TENM1: variants seen among roughly 807,000 people sequenced by gnomAD.
The protein encoded by TENM1 is teneurin-1.
A neutral mutation model predicts 174.8 loss-of-function variants in TENM1; 35 were observed. The observed-to-expected ratio is 0.20, with a 90% CI of 0.15 to 0.27. The LOEUF (loss-of-function observed/expected upper bound fraction) is 0.27. Ranked by LOEUF, TENM1 falls within the 10% of genes least tolerant of loss-of-function variation. The probability of loss-of-function intolerance (pLI) is 1.00; values close to 1 mark genes in which losing one functional copy is unlikely to be tolerated. For missense variants in TENM1, 1,633 were observed against 2,130.1 expected, an observed-to-expected ratio of 0.77 and a Z score of 4.59; for synonymous variants, 781 against 798.7, an observed-to-expected ratio of 0.98 and a Z score of 0.37.
chrX:124,782,225 C>A (rs1294817751), intron 3 of TENM1, among the ~76,000 whole-genome samples: 1 of 111,755 alleles, frequency 8.9e-6, no homozygotes. Context: ...AAACAAACTA[C>A]TATTTTTGAG....
the TENM1 span, among the ~76,000 whole-genome samples, chrX:124,972,097 T>C: frequency 9.1e-6 from 1 of 109,464 alleles, no homozygotes. Flanking sequence ...GCCAGGTGTC[T>C]TGGTGGGCTC....
intron 6 of TENM1, among the ~76,000 whole-genome samples, chrX:124,660,176 C>T (rs911848093): frequency 1.2e-4 from 13 of 110,272 alleles, no homozygotes; most frequent in African/African-American, 4.0e-4. Flanking sequence ...AGATTGAGAC[C>T]ATCCTGGCTA....
the TENM1 span, among the ~76,000 whole-genome samples, chrX:125,021,407 T>C: frequency 1.8e-5 from 2 of 111,265 alleles, no homozygotes; most frequent in Non-Finnish European, 1.9e-5. Context: ...ATCCTATTCT[T>C]GCGCATTAGC....
intron 11 of TENM1, among the ~76,000 whole-genome samples, chrX:124,588,633 G>T (rs1036545599): frequency 1.8e-5 from 2 of 110,048 alleles, no homozygotes; most frequent in African/African-American, 6.6e-5. Context: ...CATGGCACAT[G>T]TATACATATG....
At chrX:125,060,816 T>C in the TENM1 span, among the ~76,000 whole-genome samples, 1 of 110,988 alleles carries the variant, frequency 9.0e-6, no homozygotes, top group Non-Finnish European at 1.9e-5. Context: ...CATTTATTTT[T>C]TGTTATGAAA....
the TENM1 span, among the ~76,000 whole-genome samples, chrX:125,005,556 A>G: frequency 7.3e-5 from 8 of 110,024 alleles, no homozygotes; most frequent in Non-Finnish European, 1.3e-4. Flanking sequence ...AAGGAAAAAT[A>G]ATGCAATATT....
At chrX:124,818,659 T>C (rs2055961792) in intron 3 of TENM1, among the ~76,000 whole-genome samples, 1 of 111,786 alleles carries the variant, frequency 8.9e-6, no homozygotes, top group Admixed American at 9.5e-5. Context: ...GAAAGGATAG[T>C]GAACTAGGAT....
At chrX:124,387,201 C>T (rs1488145389) in intron 28 of TENM1, among the ~76,000 whole-genome samples, 1 of 109,514 alleles carries the variant, frequency 9.1e-6, no homozygotes, top group Non-Finnish European at 1.9e-5. Context: ...CTGAATGATT[C>T]TCTGGTTATG....
chrX:124,708,482 A>G (rs2040724888), intron 4 of TENM1, among the ~76,000 whole-genome samples: 1 of 111,869 alleles, frequency 8.9e-6, no homozygotes, highest in Admixed American at 9.5e-5. Context: ...GATGTGTATG[A>G]CAATCCATAT....
At chrX:124,721,905 A>G (rs769804719) in intron 4 of TENM1, among the ~76,000 whole-genome samples, 1 of 112,574 alleles carries the variant, frequency 8.9e-6, no homozygotes, top group Non-Finnish European at 1.9e-5. Flanking sequence ...ATATGTACAC[A>G]TGCCTATATG....
the TENM1 span, among the ~76,000 whole-genome samples, chrX:125,016,823 G>T: frequency 1.8e-5 from 2 of 111,421 alleles, no homozygotes; most frequent in Non-Finnish European, 3.8e-5. Context: ...ATACTACAAG[G>T]CTACAGTAAC....
Position 124,440,015 on chromosome X carries a change from C to T in TENM1, c.4104+13322G>A, listed in dbSNP as rs754777294. Among the ~76,000 whole-genome samples the T allele has an allele frequency of 2.7e-5, 3 of 110,895 alleles. No homozygotes were observed. The East Asian group carries it at 8.6e-4, about 32-fold the overall frequency. On this transcript the variant is annotated intron_variant, in intron 23 of 31. Transcript: ENST00000422452. ...CAGTCTGTATTCCCATACCATTAAGCTTTACTGACTTTATATATTGGTATA... is the reference window on the plus strand; with the variant it reads ...CAGTCTGTATTCCCATACCATTAAGTTTTACTGACTTTATATATTGGTATA...
chrX:124,579,778 T>G (rs2049257279), intron 11 of TENM1, among the ~76,000 whole-genome samples: 1 of 112,046 alleles, frequency 8.9e-6, no homozygotes, highest in Admixed American at 9.5e-5. Flanking sequence ...AAACATTTAT[T>G]GAGTACTCTG....
chrX:124,823,838 A>G (rs2056095279), intron 3 of TENM1, among the ~76,000 whole-genome samples: 2 of 111,808 alleles, frequency 1.8e-5, no homozygotes, highest in Admixed American at 9.5e-5. Context: ...AGCAATCATA[A>G]TCATAACAAT....
chrX:125,024,232 A>G, the TENM1 span, among the ~76,000 whole-genome samples: 1 of 111,240 alleles, frequency 9.0e-6, no homozygotes. Context: ...CCCAAAGGAA[A>G]AAATATCATT....
chrX:124,540,889 C>G (rs914647175), intron 15 of TENM1, among the ~76,000 whole-genome samples: 1 of 111,785 alleles, frequency 8.9e-6, no homozygotes, highest in Non-Finnish European at 1.9e-5. Flanking sequence ...CCTGATATTG[C>G]TCCTTATATT....
upstream of TENM1, among the ~76,000 whole-genome samples, chrX:124,965,821 C>T (rs183068480): frequency 2.1e-3 from 236 of 111,498 alleles, 1 homozygote; most frequent in African/African-American, 7.5e-3. Context: ...GGTCTTGACC[C>T]TGAGCCACAA....
the TENM1 span, among the ~76,000 whole-genome samples, chrX:125,162,640 C>A: frequency 8.9e-6 from 1 of 111,880 alleles, no homozygotes; most frequent in African/African-American, 3.2e-5. Context: ...CCTCCACCAG[C>A]ACCTCAAGTC....
At chrX:124,577,384 CA>C (rs975864332) in intron 11 of TENM1, among the ~76,000 whole-genome samples, 5 of 110,694 alleles carry the variant, frequency 4.5e-5, no homozygotes, top group African/African-American at 1.3e-4. Context: ...ATAAGCATGA[CA>C]GGGGAGAAAA....
Sources: gnomAD v4.1 joint callset for allele counts (sites outside exome capture counted in the v4.1 genomes callset) on GRCh38, gnomAD v4.1.1 for gene constraint, MANE v1.5 for transcripts, NCBI Gene and HGNC (gene_info 2026-07-23, HGNC 2026-07-21) for gene names.